Variants in ADGRL3 observed in about 807,000 individuals in gnomAD.
ADGRL3 encodes the protein calcium-independent alpha-latrotoxin receptor 3.
A neutral mutation model predicts 153.5 loss-of-function variants in ADGRL3; 62 were observed. That is an observed-to-expected ratio of 0.40 (90% CI 0.33 to 0.50). The LOEUF (loss-of-function observed/expected upper bound fraction) is 0.50, where lower values mean the gene tolerates loss of function less well. Ranked by LOEUF, ADGRL3 falls within the 20% of genes least tolerant of loss-of-function variation. The pLI, the probability that ADGRL3 is intolerant of heterozygous loss-of-function variation, is 0.47. For missense variants in ADGRL3, 1,641 were observed against 1,859.4 expected (o/e 0.88, Z 2.16); for synonymous variants, 710 against 672.5 (o/e 1.06, Z -0.86).
chr4:61,562,710 G>A (rs988263751), intron 4 of ADGRL3, among the ~76,000 whole-genome samples: 7 of 152,044 alleles, frequency 4.6e-5, no homozygotes, highest in African/African-American at 7.2e-5. Context: ...AACCACAAAT[G>A]CAGTTATATC....
Position 62,046,935 on chromosome 4 carries a change from G to T in ADGRL3, c.3814+2386G>T, listed in dbSNP as rs573888467. On this transcript the variant is annotated intron_variant, in intron 25 of 26. Coordinates refer to ENST00000683033, the MANE Select transcript of ADGRL3 (RefSeq NM_001387552.1). ...TCTTTAATCTTGTCTTATTTCCCAG[G>T]GTCTTATCTTCCCTGCATTCAGGCG... is the stretch of plus-strand genomic sequence containing the variant. 9.2e-5 allele frequency among the ~76,000 whole-genome samples: 14 copies of T among 151,666 alleles called. No individual in the cohort carries two copies. In the East Asian group the frequency reaches 2.5e-3, roughly 27 times the overall value.
intron 5 of ADGRL3, among the ~76,000 whole-genome samples, chr4:61,673,386 T>C (rs1273992867): frequency 1.3e-5 from 2 of 151,888 alleles, no homozygotes; most frequent in African/African-American, 4.8e-5. Context: ...ATTGTAAAGA[T>C]ATATCAAAAC....
intron 2 of ADGRL3, among the ~76,000 whole-genome samples, chr4:61,493,546 T>A (rs1264103733): frequency 6.6e-6 from 1 of 152,206 alleles, no homozygotes; most frequent in East Asian, 1.9e-4. Context: ...GAGTTAACAA[T>A]AGCAATACTC....
At chr4:61,536,925 T>G (rs1383212997) in intron 4 of ADGRL3, among the ~76,000 whole-genome samples, 2 of 152,128 alleles carry the variant, frequency 1.3e-5, no homozygotes, top group Non-Finnish European at 2.9e-5. Flanking sequence ...GTCATAGTGT[T>G]GTTAACTACT....
At chr4:61,861,031 G>A (rs2098335332) in intron 9 of ADGRL3, among the ~76,000 whole-genome samples, 1 of 152,074 alleles carries the variant, frequency 6.6e-6, no homozygotes, top group Non-Finnish European at 1.5e-5. Context: ...AGTAAATATT[G>A]AAATCTATTT....
intron 2 of ADGRL3, among the ~76,000 whole-genome samples, chr4:61,403,946 C>A (rs1242068974): frequency 1.3e-5 from 2 of 152,116 alleles, no homozygotes; most frequent in Non-Finnish European, 2.9e-5. Context: ...TTCCTTACAA[C>A]CCTTATCGTC....
intron 1 of ADGRL3, among the ~76,000 whole-genome samples, chr4:61,207,073 T>A (rs1307636023): frequency 6.6e-6 from 1 of 152,074 alleles, no homozygotes; most frequent in Admixed American, 6.5e-5. Flanking sequence ...ATTATACTTT[T>A]AAATTCTGGA....
chr4:61,245,483 C>A (rs1756693835), intron 1 of ADGRL3, among the ~76,000 whole-genome samples: 1 of 152,012 alleles, frequency 6.6e-6, no homozygotes, highest in African/African-American at 2.4e-5. Flanking sequence ...TTGGCCCCAG[C>A]AGAGTTAGTT....
intron 1 of ADGRL3, among the ~76,000 whole-genome samples, chr4:61,376,768 T>G (rs2096608223): frequency 6.6e-6 from 1 of 152,196 alleles, no homozygotes; most frequent in South Asian, 2.1e-4. Flanking sequence ...ACAGCAGTTC[T>G]TGTTTTCTCC....
chr4:61,447,918 C>T (rs1030530869), intron 2 of ADGRL3, among the ~76,000 whole-genome samples: 1 of 151,574 alleles, frequency 6.6e-6, no homozygotes, highest in African/African-American at 2.4e-5. Flanking sequence ...ACTTGATTTC[C>T]AAACAACAAC....
intron 9 of ADGRL3, among the ~76,000 whole-genome samples, chr4:61,856,913 C>G: frequency 7.4e-6 from 1 of 135,226 alleles, no homozygotes; most frequent in Admixed American, 7.3e-5. Context: ...CTGCCTTCCT[C>G]CCTCCCTCCC....
rs116064811 is a variant in ADGRL3 at position 61,460,460 on chromosome 4, A to G, written c.-173-36661A>G. On this transcript the variant is annotated intron_variant, in intron 2 of 26. Coordinates refer to ENST00000683033, the MANE Select transcript of ADGRL3 (RefSeq NM_001387552.1). ...ATAAGCCAAGCACACCAAGACAAATATCACATTTTCACTGACATGTGGAAA... is the reference window on the plus strand; with the variant it reads ...ATAAGCCAAGCACACCAAGACAAATGTCACATTTTCACTGACATGTGGAAA... 6.2e-4 allele frequency among the ~76,000 whole-genome samples: 94 copies of G among 152,220 alleles called. 1 individual carries two copies. The highest frequency in any genetic ancestry group is 3.4e-3 in the Middle Eastern group (1 of 294).
intron 8 of ADGRL3, among the ~76,000 whole-genome samples, chr4:61,744,468 T>C (rs113672460): frequency 2.0e-5 from 3 of 151,916 alleles, no homozygotes; most frequent in Admixed American, 2.0e-4. Context: ...CACCCCCCAG[T>C]AGGGGCAGAC....
In ADGRL3 at chr4:61,274,021, C is replaced by T. The variant is rs115602529; in HGVS notation, c.-240+72256C>T. On this transcript the variant is annotated intron_variant, in intron 1 of 26. Coordinates refer to ENST00000683033, the MANE Select transcript of ADGRL3 (RefSeq NM_001387552.1). Reference sequence around the variant, plus strand: ...TTATAATAAAGCATGCTAAGGTGACCTTTATCTTTCTATTAAAAGGTGAAT... The same window carrying T: ...TTATAATAAAGCATGCTAAGGTGACTTTTATCTTTCTATTAAAAGGTGAAT... Among the ~76,000 whole-genome samples, 1,162 of 152,166 alleles carry T rather than the reference C, an allele frequency of 7.6e-3. 6 individuals are homozygous for T. The highest frequency in any genetic ancestry group is 0.017 in the Middle Eastern group (5 of 290).
chr4:61,390,316 C>T (rs185048973), intron 2 of ADGRL3, among the ~76,000 whole-genome samples: 2 of 152,174 alleles, frequency 1.3e-5, no homozygotes, highest in African/African-American at 4.8e-5. Context: ...CCTTAGTTAT[C>T]TTAAAGTGTC....
At chr4:61,962,717 A>G (rs1465770503) in intron 17 of ADGRL3, among the ~76,000 whole-genome samples, 3 of 152,216 alleles carry the variant, frequency 2.0e-5, no homozygotes, top group Non-Finnish European at 4.4e-5. Flanking sequence ...CTGAATTTGG[A>G]TCACTTGGTT....
At chr4:61,465,759 A>ATATATATATATATC in intron 2 of ADGRL3, among the ~76,000 whole-genome samples, 1 of 4,652 alleles carries the variant, frequency 2.1e-4, no homozygotes, top group Non-Finnish European at 0.01. Flanking sequence ...TTATATATAA[A>ATATATATATATATC]TATATATATA....
intron 1 of ADGRL3, among the ~76,000 whole-genome samples, chr4:61,362,065 T>C (rs1015068265): frequency 1.3e-5 from 2 of 150,796 alleles, no homozygotes; most frequent in Non-Finnish European, 3.0e-5. Context: ...TGCAGTGGCA[T>C]AATCTCTACT....
At chr4:61,864,138 T>C (rs1281861665) in intron 9 of ADGRL3, among the ~76,000 whole-genome samples, 1 of 152,218 alleles carries the variant, frequency 6.6e-6, no homozygotes, top group Non-Finnish European at 1.5e-5. Flanking sequence ...ATGTACCTTA[T>C]CTCTGGAAAT....
Sources: allele counts gnomAD v4.1 joint callset (sites outside exome capture counted in the v4.1 genomes callset), GRCh38; gene constraint gnomAD v4.1.1; transcripts MANE v1.5; gene names NCBI Gene and HGNC (gene_info 2026-07-23, HGNC 2026-07-21).